FSTL5: variants seen among roughly 807,000 people sequenced by gnomAD.
The protein encoded by FSTL5 is follistatin-related protein 5.
A neutral mutation model predicts 89.1 loss-of-function variants in FSTL5; 62 were observed. That is an observed-to-expected ratio of 0.70 (90% CI 0.57 to 0.86). The LOEUF is 0.86. FSTL5 is among the 40% of genes least tolerant of loss of function. The pLI is 0.00. For missense variants in FSTL5, 1,057 were observed against 1,001.6 expected (o/e 1.06, Z -0.75); for synonymous variants, 383 against 346.2 (o/e 1.11, Z -1.18).
At chr4:161,845,365 T>G (rs1402438858) in intron 4 of FSTL5, among the ~76,000 whole-genome samples, 2 of 152,186 alleles carry the variant, frequency 1.3e-5, no homozygotes, top group African/African-American at 4.8e-5. Flanking sequence ...CAGGCATGGA[T>G]ATTGTTTTTC....
chr4:161,962,709 A>G (rs1735217272), intron 3 of FSTL5, among the ~76,000 whole-genome samples: 1 of 152,002 alleles, frequency 6.6e-6, no homozygotes, highest in Non-Finnish European at 1.5e-5. Context: ...GGCAGGCACC[A>G]TGAATTAAGT....
intron 10 of FSTL5, among the ~76,000 whole-genome samples, chr4:161,535,836 T>C (rs9884786): frequency 3.0e-4 from 46 of 152,198 alleles, no homozygotes; most frequent in African/African-American, 1.1e-3. Context: ...GGAATCAATC[T>C]AGGTGCCTAT....
chr4:161,602,964 T>A (rs996337058), intron 7 of FSTL5, among the ~76,000 whole-genome samples: 1 of 152,168 alleles, frequency 6.6e-6, no homozygotes, highest in Admixed American at 6.5e-5. Flanking sequence ...TGTGTACAAA[T>A]AAATAACAAC....
At chr4:161,986,318 GGCA>G (rs1158168652) in intron 3 of FSTL5, among the ~76,000 whole-genome samples, 4 of 152,166 alleles carry the variant, frequency 2.6e-5, no homozygotes, top group Non-Finnish European at 5.9e-5. Flanking sequence ...GGGAGGCCGA[GGCA>G]GGTGGATCAT....
intron 10 of FSTL5, among the ~76,000 whole-genome samples, chr4:161,526,290 T>C (rs562044783): frequency 5.9e-5 from 9 of 152,326 alleles, no homozygotes; most frequent in Admixed American, 5.2e-4. Flanking sequence ...TAGGGCATAT[T>C]TGAGATAAAA....
chr4:161,931,604 A>C (rs1381897341), intron 3 of FSTL5, among the ~76,000 whole-genome samples: 1 of 151,926 alleles, frequency 6.6e-6, no homozygotes, highest in Non-Finnish European at 1.5e-5. Flanking sequence ...TATTTAATTT[A>C]ACAATATACC....
intron 4 of FSTL5, among the ~76,000 whole-genome samples, chr4:161,791,152 C>A (rs552798467): frequency 3.9e-4 from 59 of 151,166 alleles, no homozygotes; most frequent in African/African-American, 1.4e-3. Context: ...GAAAAGATGG[C>A]AAGCATTTGA....
intron 4 of FSTL5, among the ~76,000 whole-genome samples, chr4:161,789,876 T>C (rs928931362): frequency 6.6e-6 from 1 of 152,126 alleles, no homozygotes; most frequent in African/African-American, 2.4e-5. Flanking sequence ...GTATGTAAAA[T>C]GAAAAGGTAA....
chr4:161,650,293 A>G (rs1344151401), intron 7 of FSTL5, among the ~76,000 whole-genome samples: 3 of 152,238 alleles, frequency 2.0e-5, no homozygotes, highest in Non-Finnish European at 2.9e-5. Flanking sequence ...CTTAAAATAC[A>G]CAGTAATCAA....
chr4:162,122,328 C>T (rs1731900296), intron 1 of FSTL5, among the ~76,000 whole-genome samples: 1 of 152,038 alleles, frequency 6.6e-6, no homozygotes, highest in Non-Finnish European at 1.5e-5. Context: ...TCTCAACCCA[C>T]TGTTCCCCGC....
chr4:161,752,223 GGACAGATA>G (rs149173772), intron 6 of FSTL5, among the ~76,000 whole-genome samples: 2,096 of 133,692 alleles, frequency 0.016, 38 homozygotes, highest in African/African-American at 0.051. Context: ...GATGATAGAT[GGACAGATA>G]GATAGATAGA....
intron 7 of FSTL5, among the ~76,000 whole-genome samples, chr4:161,639,592 G>A (rs566271036): frequency 6.6e-6 from 1 of 152,124 alleles, no homozygotes; most frequent in South Asian, 2.1e-4. Flanking sequence ...GACAATAATT[G>A]CACTGGCAGC....
chr4:161,518,902 TGTG>T (rs1205226935), intron 10 of FSTL5, among the ~76,000 whole-genome samples: 1 of 152,190 alleles, frequency 6.6e-6, no homozygotes, highest in East Asian at 1.9e-4. Flanking sequence ...AGGCTTGTCC[TGTG>T]CTGGAAGATC....
At chr4:161,656,134 A>G (rs1736504109) in intron 7 of FSTL5, among the ~76,000 whole-genome samples, 194 bp downstream of exon 7, 1 of 152,122 alleles carries the variant, frequency 6.6e-6, no homozygotes, top group African/African-American at 2.4e-5. Flanking sequence ...ATTTTGCTAT[A>G]CCAATACAAA....
chr4:161,684,018 T>A (rs1737618030), intron 6 of FSTL5, among the ~76,000 whole-genome samples: 1 of 152,202 alleles, frequency 6.6e-6, no homozygotes, highest in Admixed American at 6.5e-5. Flanking sequence ...CATTCCGGAG[T>A]TACTTCACTT....
chr4:161,392,184 T>G (rs1730843217), intron 15 of FSTL5, among the ~76,000 whole-genome samples: 1 of 152,100 alleles, frequency 6.6e-6, no homozygotes, highest in African/African-American at 2.4e-5. Flanking sequence ...CTACCACTTC[T>G]AGTGAGTAAT....
At chr4:161,393,093 G>A (rs1466821895) in intron 15 of FSTL5, among the ~76,000 whole-genome samples, 1 of 152,028 alleles carries the variant, frequency 6.6e-6, no homozygotes, top group Non-Finnish European at 1.5e-5. Context: ...GAACCCGGGA[G>A]GCAGAGGTTG....
intron 7 of FSTL5, among the ~76,000 whole-genome samples, chr4:161,611,403 C>A (rs17041244): frequency 1.3e-5 from 2 of 151,524 alleles, no homozygotes; most frequent in Non-Finnish European, 2.9e-5. Flanking sequence ...ATTATGCACA[C>A]ACCTAACAAA....
chr4:161,858,378 C>G (rs914514270), intron 4 of FSTL5, among the ~76,000 whole-genome samples: 14 of 152,120 alleles, frequency 9.2e-5, no homozygotes, highest in Admixed American at 6.5e-4. Flanking sequence ...CCTTGACTTA[C>G]TTGTATCATT....
Sources: allele counts gnomAD v4.1 joint callset (sites outside exome capture counted in the v4.1 genomes callset), GRCh38; gene constraint gnomAD v4.1.1; transcripts MANE v1.5; gene names NCBI Gene and HGNC (gene_info 2026-07-23, HGNC 2026-07-21).